Variants in PAPPA observed in about 807,000 individuals in gnomAD.
PAPPA encodes the protein pappalysin 1.
A neutral mutation model predicts 164.0 loss-of-function variants in PAPPA; 60 were observed. That is an observed-to-expected ratio of 0.37 (90% confidence interval 0.30 to 0.45). The LOEUF (loss-of-function observed/expected upper bound fraction) is 0.45. PAPPA is among the 20% of genes least tolerant of loss of function. The pLI is 1.00. For missense variants in PAPPA, 1,782 were observed against 2,087.3 expected (o/e 0.85, Z 2.85); for synonymous variants, 875 against 814.1 (o/e 1.07, Z -1.27).
intron 9 of PAPPA, among the ~76,000 whole-genome samples, chr9:116,297,026 T>C (rs1475352505): frequency 6.6e-6 from 1 of 151,958 alleles, no homozygotes; most frequent in Non-Finnish European, 1.5e-5. Flanking sequence ...GGCTAATTTT[T>C]GTATTTTTTG....
intron 5 of PAPPA, among the ~76,000 whole-genome samples, chr9:116,225,633 C>T (rs1358405900): frequency 6.6e-6 from 1 of 152,042 alleles, no homozygotes; most frequent in African/African-American, 2.4e-5. Flanking sequence ...GCATATTAAC[C>T]ATGGGCTATT....
Position 116,187,976 on chromosome 9 carries a change from A to T in PAPPA, c.1238A>T (p.Asn413Ile). ...SSLRRRLILA[N>I]CDISKIGDEN... ...CTTCGCCGCCGCCTCATCCTGGCCA[A>T]CTGTGACATCAGCAAGATTGGGGAT... The change falls in exon 2 of 22, where the codon AAC (asparagine) becomes ATC (isoleucine). Residue 413 changes from asparagine to isoleucine, a missense_variant. Asn to Ile is a moderately radical substitution (Grantham distance 149). This residue lies in a region of PAPPA where 1,324 missense variants were observed against 1,656.9 expected (regional missense o/e 0.80). Coordinates refer to ENST00000328252, the MANE Select transcript of PAPPA (RefSeq NM_002581.5). The surrounding 1 kb of genome is among the most constrained non-coding windows in gnomAD (Gnocchi z 4.2). The T allele has an allele frequency of 6.2e-7, 1 of 1,614,156 alleles. No homozygotes were observed. Among genetic ancestry groups the T allele is most frequent in the Non-Finnish European group, 8.5e-7 (1 of 1,180,034 alleles).
At chr9:116,296,906 G>A (rs906705304) in intron 9 of PAPPA, among the ~76,000 whole-genome samples, 2 of 151,950 alleles carry the variant, frequency 1.3e-5, no homozygotes, top group Non-Finnish European at 2.9e-5. Context: ...CCAGGCTGGA[G>A]TGCAGTGGCG....
At chr9:116,198,857 T>C (rs1266124630) in intron 2 of PAPPA, among the ~76,000 whole-genome samples, 1 of 152,234 alleles carries the variant, frequency 6.6e-6, no homozygotes, top group Non-Finnish European at 1.5e-5. Context: ...TTTTTTCTTT[T>C]GGAGTGCTAC....
chr9:116,267,543 A>G (rs1237468105), intron 8 of PAPPA, among the ~76,000 whole-genome samples: 1 of 152,208 alleles, frequency 6.6e-6, no homozygotes, highest in Non-Finnish European at 1.5e-5. Flanking sequence ...AAAGTTTGCC[A>G]ACTGTTAATG....
At chr9:116,382,363 G>C in intron 20 of PAPPA, 32 bp from the exon 21 acceptor site, 1 of 1,383,714 alleles carries the variant, frequency 7.2e-7, no homozygotes, top group Non-Finnish European at 1.0e-6. Context: ...TGCTAACAAG[G>C]CCTCATTTCC....
chr9:116,251,843 T>C (rs1376208204), intron 7 of PAPPA, among the ~76,000 whole-genome samples: 1 of 152,240 alleles, frequency 6.6e-6, no homozygotes, highest in Non-Finnish European at 1.5e-5. Flanking sequence ...TGGAGTTTCC[T>C]CCAAACTGTT....
chr9:116,382,637 A>C (rs1846747730), intron 21 of PAPPA, 144 bp downstream of exon 21: 4 of 589,752 alleles, frequency 6.8e-6, no homozygotes, highest in Non-Finnish European at 1.2e-5. Flanking sequence ...TTTAATTTTT[A>C]TTCTTTTGGT....
chr9:116,357,970 G>A (rs986823332), intron 17 of PAPPA, among the ~76,000 whole-genome samples: 2 of 152,202 alleles, frequency 1.3e-5, no homozygotes, highest in African/African-American at 4.8e-5. Flanking sequence ...CTGCCATAAG[G>A]GGTGTAGAGC....
At chr9:116,353,903 C>T in intron 17 of PAPPA, 110 bp downstream of exon 17, 1 of 724,488 alleles carries the variant, frequency 1.4e-6, no homozygotes, top group Non-Finnish European at 2.2e-6. Flanking sequence ...ATCTCTGATC[C>T]TCATTTTCCT....
At chr9:116,391,307 T>C (rs2118726781) in intron 21 of PAPPA, among the ~76,000 whole-genome samples, 1 of 152,312 alleles carries the variant, frequency 6.6e-6, no homozygotes, top group East Asian at 1.9e-4. Flanking sequence ...TACTTGGTAC[T>C]CATGAAATCT....
chr9:116,214,258 T>C (rs1453938148), intron 4 of PAPPA, among the ~76,000 whole-genome samples: 1 of 152,150 alleles, frequency 6.6e-6, no homozygotes, highest in Non-Finnish European at 1.5e-5. Context: ...GTGGCTACCA[T>C]ATTGGTTAGC....
At chr9:116,367,862 C>A in intron 19 of PAPPA, 108 bp downstream of exon 19, 1 of 755,256 alleles carries the variant, frequency 1.3e-6, no homozygotes, top group Non-Finnish European at 2.3e-6. Flanking sequence ...CACATATTAC[C>A]TCATTTAATC....
intron 5 of PAPPA, among the ~76,000 whole-genome samples, chr9:116,224,225 T>A (rs767389245): frequency 6.6e-6 from 1 of 152,204 alleles, no homozygotes; most frequent in Non-Finnish European, 1.5e-5. Context: ...GAATAAATAA[T>A]TCAAGGCCAC....
chr9:116,374,153 TA>T (rs1341214221), intron 19 of PAPPA, among the ~76,000 whole-genome samples: 10 of 28,250 alleles, frequency 3.5e-4, no homozygotes, highest in East Asian at 1.4e-3. Context: ...ATGATGGTGG[TA>T]GTGTTGGTGG....
At chr9:116,289,302 A>ATATATATG (rs1845398177) in intron 9 of PAPPA, among the ~76,000 whole-genome samples, 1 of 139,780 alleles carries the variant, frequency 7.2e-6, no homozygotes, top group African/African-American at 2.7e-5. Flanking sequence ...GCATATATAT[A>ATATATATG]GCATATATAT....
At chr9:116,321,598 G>T (rs761132073) in intron 10 of PAPPA, among the ~76,000 whole-genome samples, 1 of 152,174 alleles carries the variant, frequency 6.6e-6, no homozygotes, top group Non-Finnish European at 1.5e-5. Flanking sequence ...CTGATGTCAC[G>T]TGGGAATGAG....
At chr9:116,287,336 G>C (rs966268403) in intron 9 of PAPPA, 2 of 152,172 alleles carry the variant, frequency 1.3e-5, no homozygotes, top group Non-Finnish European at 2.9e-5. Flanking sequence ...TAGCCCTTCT[G>C]GGGGTGGGTT....
intron 9 of PAPPA, among the ~76,000 whole-genome samples, chr9:116,276,180 C>T (rs1288960619): frequency 6.6e-6 from 1 of 152,208 alleles, no homozygotes; most frequent in Non-Finnish European, 1.5e-5. Context: ...AATTCTGTCT[C>T]TAAAGCATTG....
Sources: allele counts gnomAD v4.1 joint callset (sites outside exome capture counted in the v4.1 genomes callset), GRCh38; gene constraint gnomAD v4.1.1; regional missense constraint gnomAD v4.1.1; non-coding constraint Gnocchi (gnomAD v3.1); transcripts MANE v1.5; gene names NCBI Gene and HGNC (gene_info 2026-07-23, HGNC 2026-07-21).